The following CHST9 variants were observed in gnomAD, a reference collection of about 807,000 sequenced individuals.
The protein encoded by CHST9 is carbohydrate sulfotransferase 9, also known as GalNAc-4-sulfotransferase 2.
In CHST9, 41 loss-of-function variants were observed where a neutral mutation model predicts 44.4. That is an observed-to-expected ratio of 0.92 (90% confidence interval 0.72 to 1.20). The LOEUF (loss-of-function observed/expected upper bound fraction) is 1.20. Among genes scored for constraint, CHST9 ranks in the 50% most tolerant of loss-of-function variants. The probability of loss-of-function intolerance (pLI) is 0.00; values close to 1 mark genes in which losing one functional copy is unlikely to be tolerated. For synonymous variants in CHST9, 171 were observed against 178.4 expected, an observed-to-expected ratio of 0.96 and a Z score of 0.33; for missense variants, 504 against 516.5, an observed-to-expected ratio of 0.98 and a Z score of 0.23.
At chr18:27,159,395 G>A (rs1295940032) in intron 1 of CHST9, among the ~76,000 whole-genome samples, 3 of 152,046 alleles carry the variant, frequency 2.0e-5, no homozygotes, top group Admixed American at 6.5e-5. Context: ...TTTTTGTCAG[G>A]TTTGTCAAAG....
At chr18:27,178,582 C>T (rs908149655) in intron 1 of CHST9, among the ~76,000 whole-genome samples, 2 of 151,942 alleles carry the variant, frequency 1.3e-5, no homozygotes, top group Non-Finnish European at 2.9e-5. Context: ...CTTCTGGGAT[C>T]CTACACCCTC....
In CHST9 at chr18:27,137,756, G is replaced by T. The variant is rs182786222; in HGVS notation, c.121+4933C>A. On this transcript the variant is annotated intron_variant, in intron 2 of 5. Coordinates refer to ENST00000618847, the MANE Select transcript of CHST9 (RefSeq NM_031422.6). The stretch of plus-strand genomic sequence containing the variant: ...TGAGATGGTGACTCTGTCGTTAGAG[G>T]GTCTCAAAGCTGTCTTACGGCACAT... Among the ~76,000 whole-genome samples the T allele has an allele frequency of 1.1e-3, 169 of 152,242 alleles. 1 individual carries two copies. The highest frequency in any genetic ancestry group is 2.2e-3 in the Admixed American group (33 of 15,294).
intron 2 of CHST9, among the ~76,000 whole-genome samples, chr18:27,095,205 A>T (rs889517020): frequency 6.6e-6 from 1 of 152,186 alleles, no homozygotes; most frequent in Non-Finnish European, 1.5e-5. Flanking sequence ...ACATATTTGC[A>T]GTCAGGAAAC....
At chr18:27,169,886 C>T (rs1006580564) in intron 1 of CHST9, among the ~76,000 whole-genome samples, 1 of 152,020 alleles carries the variant, frequency 6.6e-6, no homozygotes, top group Non-Finnish European at 1.5e-5. Flanking sequence ...GGATTACAGG[C>T]GTGAGCCACT....
intron 2 of CHST9, among the ~76,000 whole-genome samples, chr18:27,081,994 G>T (rs1404919198): frequency 8.5e-5 from 13 of 152,174 alleles, no homozygotes; most frequent in Admixed American, 8.5e-4. Flanking sequence ...CCTGCGACAT[G>T]TTTATCAGCC....
intron 5 of CHST9, chr18:26,925,991 C>T (rs232327): frequency 6.6e-6 from 1 of 151,748 alleles, no homozygotes; most frequent in Non-Finnish European, 1.5e-5. Context: ...GGATAAGACA[C>T]TTGAGAGACA....
chr18:27,180,416 T>G (rs1459218743), intron 1 of CHST9, among the ~76,000 whole-genome samples: 1 of 152,136 alleles, frequency 6.6e-6, no homozygotes, highest in African/African-American at 2.4e-5. Flanking sequence ...ATATTTGTTT[T>G]TAAAAAAGAG....
chr18:27,081,619 C>T (rs1349011176), intron 2 of CHST9, among the ~76,000 whole-genome samples: 1 of 152,088 alleles, frequency 6.6e-6, no homozygotes, highest in Non-Finnish European at 1.5e-5. Context: ...TTGAACTCAC[C>T]TCTTTACATT....
chr18:27,063,962 G>A (rs562749000), intron 2 of CHST9, among the ~76,000 whole-genome samples: 310 of 152,132 alleles, frequency 2.0e-3, no homozygotes, highest in African/African-American at 7.0e-3. Context: ...AGGAGGAGAA[G>A]CCAATCCCAA....
At chr18:26,973,455 A>G (rs915189597) in intron 4 of CHST9, among the ~76,000 whole-genome samples, 2 of 152,224 alleles carry the variant, frequency 1.3e-5, no homozygotes, top group African/African-American at 4.8e-5. Context: ...AGTCTCATAA[A>G]AGCTGGAGAA....
intron 2 of CHST9, among the ~76,000 whole-genome samples, chr18:27,080,831 C>T (rs988525550): frequency 6.6e-6 from 1 of 152,140 alleles, no homozygotes; most frequent in Non-Finnish European, 1.5e-5. Flanking sequence ...AGAAATGAAA[C>T]ATAAATACCC....
At chr18:26,973,254 A>T (rs2056575542) in intron 4 of CHST9, among the ~76,000 whole-genome samples, 1 of 152,204 alleles carries the variant, frequency 6.6e-6, no homozygotes, top group Admixed American at 6.5e-5. Flanking sequence ...TAAGCTCCAT[A>T]ATCAGACAGC....
chr18:27,167,425 A>G (rs1027323725), intron 1 of CHST9, among the ~76,000 whole-genome samples: 3 of 152,146 alleles, frequency 2.0e-5, no homozygotes, highest in African/African-American at 7.2e-5. Context: ...TCTCCACTAC[A>G]TCTGTCATAG....
intron 2 of CHST9, among the ~76,000 whole-genome samples, chr18:27,133,265 A>G (rs947800453): frequency 2.6e-5 from 4 of 152,192 alleles, no homozygotes; most frequent in Non-Finnish European, 4.4e-5. Context: ...CACATTCAAT[A>G]TATTACTAGA....
chr18:27,027,726 A>C lies in CHST9; in HGVS notation c.161-3569T>G, dbSNP rs765938017. 1.0e-3 allele frequency among the ~76,000 whole-genome samples: 159 copies of C among 152,242 alleles called. 2 individuals are homozygous for C. The Middle Eastern group carries it at 0.017, about 16-fold the overall frequency. On this transcript the variant is annotated intron_variant, in intron 3 of 5. Coordinates refer to ENST00000618847, the MANE Select transcript of CHST9 (RefSeq NM_031422.6). ...ATATAGAATATAGCCACATATTTCC[A>C]GTTCTGCATTTTCTTACATAAACTA...
At chr18:27,159,292 A>G (rs1430836206) in intron 1 of CHST9, among the ~76,000 whole-genome samples, 1 of 152,206 alleles carries the variant, frequency 6.6e-6, no homozygotes, top group Admixed American at 6.5e-5. Context: ...TGTATAAGGT[A>G]TAAGGAAGGG....
intron 5 of CHST9, among the ~76,000 whole-genome samples, chr18:26,919,840 T>A (rs2055614435): frequency 6.6e-6 from 1 of 152,162 alleles, no homozygotes; most frequent in South Asian, 2.1e-4. Context: ...CTCCCAACAC[T>A]CTGTGTCTCT....
intron 2 of CHST9, among the ~76,000 whole-genome samples, chr18:27,093,911 G>A (rs775332278): frequency 1.3e-5 from 2 of 151,750 alleles, no homozygotes; most frequent in Non-Finnish European, 2.9e-5. Context: ...TAAACAAAGA[G>A]GCTGAGAGAT....
Position 27,180,270 on chromosome 18 carries a change from T to C in CHST9, c.-97+4866A>G, listed in dbSNP as rs142971008. The stretch of plus-strand genomic sequence containing the variant: ...ATATTCATACAAGCGCTGACTTTAC[T>C]ATGTGTCTAGTGAAGTTATCCCTGA... On this transcript the variant is annotated intron_variant, in intron 1 of 5. Transcript: ENST00000618847. Among the ~76,000 whole-genome samples, 12 of 152,330 alleles carry C rather than the reference T, an allele frequency of 7.9e-5. 1 individual carries two copies. In the East Asian group the frequency reaches 2.1e-3, roughly 27 times the overall value.
Sources: gnomAD v4.1 joint callset for allele counts (sites outside exome capture counted in the v4.1 genomes callset) on GRCh38, gnomAD v4.1.1 for gene constraint, MANE v1.5 for transcripts, NCBI Gene and HGNC (gene_info 2026-07-23, HGNC 2026-07-21) for gene names.